LRBA: variants seen among roughly 807,000 people sequenced by gnomAD.
LRBA encodes LPS responsive beige-like anchor protein.
Under a neutral mutation model 330.0 loss-of-function variants are expected in LRBA, and 176 were observed. The observed-to-expected ratio is 0.53, with a 90% CI of 0.47 to 0.60. The LOEUF (loss-of-function observed/expected upper bound fraction) is 0.60. Ranked by LOEUF, LRBA falls within the 20% of genes least tolerant of loss-of-function variation. LRBA has a pLI of 0.00. For missense variants in LRBA, 3,259 were observed against 3,444.8 expected (o/e 0.95, Z 1.35); for synonymous variants, 1,230 against 1,193.0 (o/e 1.03, Z -0.64).
intron 37 of LRBA, among the ~76,000 whole-genome samples, chr4:150,602,079 C>T (rs1423550306): frequency 6.6e-6 from 1 of 152,150 alleles, no homozygotes; most frequent in African/African-American, 2.4e-5. Flanking sequence ...TATTTACAAT[C>T]TCCTGAAGCT....
rs188281527 is a variant in LRBA, at chr4:150,292,310, C to T, written c.8018-6276G>A. ...GATCTGACATGTATTTTCTGGCAAA[C>T]TTGTAGTTACTTTATAAAAAGTGAA... On this transcript the variant is annotated intron_variant, in intron 53 of 56. Coordinates refer to ENST00000651943, the MANE Select transcript of LRBA (RefSeq NM_001364905.1). Among the ~76,000 whole-genome samples the T allele has an allele frequency of 2.2e-4, 34 of 152,256 alleles. No individual in the cohort carries two copies. In the East Asian group the frequency reaches 6.6e-3, roughly 29 times the overall value.
chr4:150,386,366 G>T (rs1743056202), intron 47 of LRBA, among the ~76,000 whole-genome samples: 1 of 151,928 alleles, frequency 6.6e-6, no homozygotes, highest in Non-Finnish European at 1.5e-5. Context: ...GACCCTTTGA[G>T]TATTAAGCCC....
At chr4:150,720,600 A>G (rs1237060905) in intron 36 of LRBA, among the ~76,000 whole-genome samples, 1 of 152,184 alleles carries the variant, frequency 6.6e-6, no homozygotes, top group Non-Finnish European at 1.5e-5. Flanking sequence ...TAGATGTGAA[A>G]GACAAACATA....
intron 37 of LRBA, among the ~76,000 whole-genome samples, chr4:150,614,832 T>C (rs1775608759): frequency 6.6e-6 from 1 of 152,248 alleles, no homozygotes; most frequent in Admixed American, 6.5e-5. Flanking sequence ...ATGTGTTCCC[T>C]GGCTGGGTAG....
chr4:150,769,164 C>G (rs1736197801), intron 34 of LRBA, among the ~76,000 whole-genome samples: 3 of 151,700 alleles, frequency 2.0e-5, no homozygotes, highest in Non-Finnish European at 4.4e-5. Flanking sequence ...AGGCTGGTCT[C>G]GAACTCCTGA....
intron 48 of LRBA, among the ~76,000 whole-genome samples, chr4:150,348,642 A>G (rs980408638): frequency 5.9e-5 from 9 of 152,206 alleles, no homozygotes; most frequent in Non-Finnish European, 1.0e-4. Flanking sequence ...TATATCAGCT[A>G]TGTAGAGATA....
chr4:150,444,767 A>G (rs943805858), intron 44 of LRBA, among the ~76,000 whole-genome samples: 22 of 152,200 alleles, frequency 1.4e-4, no homozygotes, highest in African/African-American at 5.1e-4. Context: ...TAACAAACAC[A>G]TCTTGGGGAA....
At chr4:150,416,564 C>T (rs113802284) in intron 46 of LRBA, among the ~76,000 whole-genome samples, 59 of 151,198 alleles carry the variant, frequency 3.9e-4, no homozygotes, top group African/African-American at 1.4e-3. Flanking sequence ...AGGGTAGAAA[C>T]GAGCTTGTTC....
chr4:150,692,869 A>G (rs1784261309), intron 36 of LRBA, among the ~76,000 whole-genome samples: 1 of 152,220 alleles, frequency 6.6e-6, no homozygotes, highest in Non-Finnish European at 1.5e-5. Flanking sequence ...TTTGCAAGAT[A>G]GTGTGACAAT....
At chr4:150,927,550 A>C (rs973917229) in intron 4 of LRBA, among the ~76,000 whole-genome samples, 2 of 152,156 alleles carry the variant, frequency 1.3e-5, no homozygotes, top group African/African-American at 2.4e-5. Flanking sequence ...GTAACCTGTG[A>C]GAAAATATCA....
chr4:150,613,135 TCA>T (rs1468930129), intron 37 of LRBA, among the ~76,000 whole-genome samples: 1 of 152,192 alleles, frequency 6.6e-6, no homozygotes, highest in Admixed American at 6.5e-5. Flanking sequence ...TATATTTCAC[TCA>T]TTTACTCACT....
At chr4:150,426,750 T>C (rs1366511648) in intron 46 of LRBA, among the ~76,000 whole-genome samples, 2 of 151,886 alleles carry the variant, frequency 1.3e-5, no homozygotes, top group African/African-American at 2.4e-5. Flanking sequence ...AAAATATATA[T>C]GCCCACAAAA....
chr4:150,900,908 A>T (rs1730650902), intron 13 of LRBA, among the ~76,000 whole-genome samples: 1 of 152,188 alleles, frequency 6.6e-6, no homozygotes, highest in Admixed American at 6.6e-5. Context: ...ATACATAAGA[A>T]GTTATATATG....
In LRBA at chr4:150,817,173, A is replaced by C. The variant is rs1371590716; in HGVS notation, c.5256T>G (p.Val1752=). 7 of 1,612,180 alleles carry C rather than the reference A, an allele frequency of 4.3e-6. No homozygotes were observed. Among genetic ancestry groups the C allele is most frequent in the Non-Finnish European group, 5.9e-6 (7 of 1,178,714 alleles). ...AGGCTTGGGCTGAATCTACTGAGGAAACCACACTGACAGCATTGGTAGGTA... is the reference window on the plus strand; with the variant it reads ...AGGCTTGGGCTGAATCTACTGAGGACACCACACTGACAGCATTGGTAGGTA... ...TSIPTNAVSV[V]SSVDSAQASD... Residue 1752 remains valine (V), a synonymous_variant, in exon 31 of 57, where the codon GTT becomes GTG. Transcript: ENST00000651943.
intron 40 of LRBA, among the ~76,000 whole-genome samples, chr4:150,572,481 G>T (rs1769995283): frequency 6.6e-6 from 1 of 151,992 alleles, no homozygotes; most frequent in South Asian, 2.1e-4. Flanking sequence ...AATTATCTTT[G>T]CAGAATACAT....
At position 150,867,744 on chromosome 4, in the gene LRBA, AG is replaced by A; in HGVS notation, c.2692del (p.Leu898PhefsTer16). 2 of 1,613,988 alleles carry A rather than the reference AG, an allele frequency of 1.2e-6. No homozygotes were observed. Among genetic ancestry groups the A allele is most frequent in the Non-Finnish European group, 1.7e-6 (2 of 1,179,896 alleles). ...CCACTCATATTTGACTGCATGGTAA[AG>A]CAGGATTCTGAATATGGCGTATACC... is the stretch of plus-strand genomic sequence containing the variant. ...EMVYAIFRIL[L>X]YHAVKYEWGG... On this transcript the variant is annotated frameshift_variant, in exon 22 of 57. Coordinates refer to ENST00000651943, the MANE Select transcript of LRBA (RefSeq NM_001364905.1). LOFTEE classifies it high-confidence loss of function.
chr4:150,695,648 G>A (rs1370906474), intron 36 of LRBA, among the ~76,000 whole-genome samples: 1 of 152,014 alleles, frequency 6.6e-6, no homozygotes, highest in Admixed American at 6.6e-5. Flanking sequence ...AGTTAGTCCT[G>A]GAACCAATTC....
chr4:150,327,321 G>A (rs1195476704), intron 48 of LRBA, among the ~76,000 whole-genome samples: 1 of 152,028 alleles, frequency 6.6e-6, no homozygotes, highest in African/African-American at 2.4e-5. Context: ...TTAGGAGGCT[G>A]AAGTAGGAGA....
At chr4:150,950,002 T>C (rs762364323) in intron 2 of LRBA, among the ~76,000 whole-genome samples, 10 of 152,190 alleles carry the variant, frequency 6.6e-5, no homozygotes, top group South Asian at 2.1e-4. Flanking sequence ...AGAATAAATA[T>C]GCAAATTTGA....
Sources: allele counts gnomAD v4.1 joint callset (sites outside exome capture counted in the v4.1 genomes callset), GRCh38; gene constraint gnomAD v4.1.1; transcripts MANE v1.5; gene names NCBI Gene and HGNC (gene_info 2026-07-23, HGNC 2026-07-21).